Variants in GRAMD1A observed in about 807,000 individuals in gnomAD.
GRAMD1A encodes the protein protein Aster-A.
In GRAMD1A, 50 loss-of-function variants were observed where a neutral mutation model predicts 92.0. The observed-to-expected ratio is 0.54, with a 90% confidence interval of 0.43 to 0.69. The LOEUF (loss-of-function observed/expected upper bound fraction) is 0.69, where lower values mean the gene tolerates loss of function less well. GRAMD1A is among the 30% of genes least tolerant of loss of function. The probability of loss-of-function intolerance (pLI) is 0.00; values close to 1 mark genes in which losing one functional copy is unlikely to be tolerated. For synonymous variants in GRAMD1A, 405 were observed against 403.6 expected, an observed-to-expected ratio of 1.00 and a Z score of -0.04; for missense variants, 819 against 978.9, an observed-to-expected ratio of 0.84 and a Z score of 2.18.
At chr19:35,009,863 G>C (rs746384896) in intron 3 of GRAMD1A, 25 bp from the exon 4 acceptor site, 1 of 1,446,664 alleles carries the variant, frequency 6.9e-7, no homozygotes, top group South Asian at 1.1e-5. Context: ...CCCCATCCAG[G>C]TTCTCACCTC....
rs548221579 is a variant in GRAMD1A at position 35,019,085 on chromosome 19, G to C, written c.1214-106G>C. On this transcript the variant is annotated intron_variant, in intron 11 of 19. Transcript: ENST00000317991. The stretch of plus-strand genomic sequence containing the variant: ...GGTGGGGACACAGAGGAGTGGTGGG[G>C]ATTGGGACAGGTCCCCAGAGAGACC... The C allele has an allele frequency of 1.9e-4, 137 of 738,342 alleles. 3 individuals are homozygous for C. The South Asian group carries it at 2.2e-3, about 12-fold the overall frequency. 45.7% of individuals were successfully genotyped at this position (738,342 alleles called of 1,614,324 possible).
Position 35,013,630 on chromosome 19 carries a change from G to T in GRAMD1A, c.809G>T (p.Gly270Val). The change falls in exon 9 of 20, where the codon GGT (glycine) becomes GTT (valine). Residue 270 changes from glycine to valine, a missense_variant. Physicochemically the swap from Gly to Val is moderately radical, Grantham distance 109 (BLOSUM62 -3). Around this residue, in one of 3 missense-constraint regions of GRAMD1A, gnomAD observed 577 missense variants for 674.6 expected, o/e 0.86. Transcript: ENST00000317991. This position sits in a 1 kb window ranked among gnomAD's most constrained non-coding sequence, Gnocchi z 4.9. ...ADRSQEPSPV[G>V]SRRGHVTPNL... ...CGCAGCCAGGAGCCAAGCCCAGTGG[G>T]TTCGCGCCGTGGCCATGTCACGCCC... is the stretch of plus-strand genomic sequence containing the variant. 6.2e-7 allele frequency: 1 copy of T among 1,613,656 alleles called. No individual in the cohort carries two copies. Among genetic ancestry groups the T allele is most frequent in the African/African-American group, 1.3e-5 (1 of 75,050 alleles).
chr19:35,004,585 G>A (rs1157945800), intron 1 of GRAMD1A, among the ~76,000 whole-genome samples: 12 of 152,190 alleles, frequency 7.9e-5, no homozygotes, highest in Non-Finnish European at 1.6e-4. Flanking sequence ...GTCCTTGCAG[G>A]CAGGGGCTTG....
chr19:34,997,825 G>A (rs2014103951), upstream of GRAMD1A, among the ~76,000 whole-genome samples: 1 of 152,038 alleles, frequency 6.6e-6, no homozygotes, highest in Admixed American at 6.6e-5. Flanking sequence ...CCAGCACTTT[G>A]GGAGGCCGAG....
Position 35,019,485 on chromosome 19 carries a change from C to T in GRAMD1A, c.1427C>T (p.Ala476Val). The stretch of plus-strand genomic sequence containing the variant: ...CCCTACCAGGACTACTTCTACACTG[C>T]CCACCGCTACTGCATCCTGGGTCTG... Reference protein sequence around the residue: ...GIPYQDYFYTAHRYCILGLAR... With the variant: ...GIPYQDYFYTVHRYCILGLAR... The change falls in exon 13 of 20, where the codon GCC becomes GTC. Residue 476 changes from alanine (A) to valine (V), a missense_variant. Ala to Val is a moderately conservative substitution (Grantham distance 64, BLOSUM62 0). Coordinates refer to ENST00000317991, the MANE Select transcript of GRAMD1A (RefSeq NM_020895.5). 6.2e-7 allele frequency: 1 copy of T among 1,613,932 alleles called. No homozygotes were observed. Among genetic ancestry groups the T allele is most frequent in the Non-Finnish European group, 8.5e-7 (1 of 1,179,838 alleles).
In GRAMD1A at chr19:35,011,461, CT is replaced by C; in HGVS notation, c.526-12del. The C allele has an allele frequency of 6.2e-7, 1 of 1,602,208 alleles. No individual in the cohort carries two copies. ...AACCTGCTCACACCTCTCTCTCTCTCTCTCCCTGACAGCATTTCTTCACTTC... is the reference window on the plus strand; with the variant it reads ...AACCTGCTCACACCTCTCTCTCTCTCCTCCCTGACAGCATTTCTTCACTTC... On this transcript the variant is annotated splice_polypyrimidine_tract_variant and intron_variant, in intron 6 of 19. Coordinates refer to ENST00000317991, the MANE Select transcript of GRAMD1A (RefSeq NM_020895.5).
Position 35,000,347 on chromosome 19 carries a change from G to A in GRAMD1A, c.-132G>A. 1 of 1,082,878 alleles carries A rather than the reference G, an allele frequency of 9.2e-7. No homozygotes were observed. Among genetic ancestry groups the A allele is most frequent in the Non-Finnish European group, 1.1e-6 (1 of 894,354 alleles). The allele number at this position is 1,082,878 out of a possible 1,614,324, so 67.1% of individuals were successfully genotyped here. ...CCTTTTGTGCGGGCGGTTGGGTCGG[G>A]TGGGGGCGGCGGCCGCGGAAGGCCA... On this transcript the variant is annotated 5_prime_UTR_variant, in exon 1 of 20. The change creates a new upstream start codon in the 5' untranslated region. Transcript: ENST00000317991. This position sits in a 1 kb window ranked among gnomAD's most constrained non-coding sequence, Gnocchi z 4.9.
At chr19:35,011,713 G>A (rs544579779) in intron 7 of GRAMD1A, among the ~76,000 whole-genome samples, 159 bp downstream of exon 7, 73 of 152,356 alleles carry the variant, frequency 4.8e-4, no homozygotes, top group East Asian at 7.7e-4. Context: ...ACCTGACCCC[G>A]AAGCTGAGTC....
chr19:35,019,151 C>T (rs2015849601), intron 11 of GRAMD1A, 40 bp from the exon 12 acceptor site: 1 of 1,362,818 alleles, frequency 7.3e-7, no homozygotes, highest in Non-Finnish European at 1.0e-6. Context: ...GGGCAAAGGA[C>T]TGGGGTGTGG....
At chr19:34,996,804 A>AG (rs2014056381), upstream of GRAMD1A, among the ~76,000 whole-genome samples, 1 of 109,180 alleles carries the variant, frequency 9.2e-6, no homozygotes, top group South Asian at 3.4e-4. Context: ...ACTCTGTCTC[A>AG]AAAAAAAAAA....
At chr19:34,997,277 T>C (rs147091711), upstream of GRAMD1A, among the ~76,000 whole-genome samples, 371 of 151,108 alleles carry the variant, frequency 2.5e-3, 2 homozygotes, top group Non-Finnish European at 2.2e-3. Context: ...TGAGGCCTAA[T>C]GAGGGTAAGT....
At position 35,000,457 on chromosome 19, in the gene GRAMD1A, G is replaced by A; in HGVS notation, c.-22G>A. 2.6e-6 allele frequency: 3 copies of A among 1,141,528 alleles called. No homozygotes were observed. The highest frequency in any genetic ancestry group is 2.2e-6 in the Non-Finnish European group (2 of 901,192). The allele number at this position is 1,141,528 out of a possible 1,614,324, so 70.7% of individuals were successfully genotyped here. ...TGCCCTGCCCTGCCCTGCGCCCGGG[G>A]CGCGCCCACCGCGCCGCATCCATGT... On this transcript the variant is annotated 5_prime_UTR_variant, in exon 1 of 20. Coordinates refer to ENST00000317991, the MANE Select transcript of GRAMD1A (RefSeq NM_020895.5). This position sits in a 1 kb window ranked among gnomAD's most constrained non-coding sequence, Gnocchi z 4.9.
At position 35,023,298 on chromosome 19, in the gene GRAMD1A, C is replaced by G. The variant is rs757817976; in HGVS notation, c.1916C>G (p.Thr639Arg). The G allele has an allele frequency of 1.2e-6, 2 of 1,614,164 alleles. No homozygotes were observed. The change falls in exon 18 of 20, where the codon ACA becomes AGA. Residue 639 changes from threonine to arginine, a missense_variant. This residue lies in a region of GRAMD1A where 577 missense variants were observed against 674.6 expected (regional missense o/e 0.86). Coordinates refer to ENST00000317991, the MANE Select transcript of GRAMD1A (RefSeq NM_020895.5). ...TACCGCCTCTGGTCCCTGGAAAGGA[C>G]AGCCCACACCTTTGAGTCCTGGCAC... The part of the protein sequence containing the change: ...LFYRLWSLER[T>R]AHTFESWHSL...
upstream of GRAMD1A, chr19:34,998,251 T>C (rs909844671): frequency 5.3e-5 from 8 of 151,250 alleles, no homozygotes; most frequent in African/African-American, 1.9e-4. Context: ...TGTCCACATC[T>C]ATTCTATATA....
In GRAMD1A at chr19:35,000,647, G is replaced by C. The variant is rs2014292539; in HGVS notation, c.8+161G>C. Among the ~76,000 whole-genome samples, 1 of 151,470 alleles carries C rather than the reference G, an allele frequency of 6.6e-6. No individual in the cohort carries two copies. Among genetic ancestry groups the C allele is most frequent in the Admixed American group, 6.6e-5 (1 of 15,248 alleles). On this transcript the variant is annotated intron_variant, in intron 1 of 19. Coordinates refer to ENST00000317991, the MANE Select transcript of GRAMD1A (RefSeq NM_020895.5). The surrounding 1 kb of genome is among the most constrained non-coding windows in gnomAD (Gnocchi z 4.9). ...GGGCGATCGGGGTGGGGGCGGGGCA[G>C]GGGGCCCCCGGGCGAGGGGTGCAGC...
chr19:35,020,252 C>T (rs1289275177), intron 13 of GRAMD1A, among the ~76,000 whole-genome samples: 1 of 152,052 alleles, frequency 6.6e-6, no homozygotes, highest in Non-Finnish European at 1.5e-5. Flanking sequence ...TTTAAATTAG[C>T]CAGGGTCCAG....
chr19:35,023,626 A>G, intron 19 of GRAMD1A, 79 bp downstream of exon 19: 1 of 1,355,090 alleles, frequency 7.4e-7, no homozygotes, highest in Non-Finnish European at 9.9e-7. Context: ...TGCGGCAGGC[A>G]CTTCCCCTCT....
At position 35,010,785 on chromosome 19, in the gene GRAMD1A, C is replaced by G. The variant is rs2015177563; in HGVS notation, c.525+406C>G. 6.5e-6 allele frequency: 3 copies of G among 464,604 alleles called. No homozygotes were observed. The Admixed American group carries it at 1.2e-4, about 18-fold the overall frequency. 28.8% of individuals were successfully genotyped at this position (464,604 alleles called of 1,614,324 possible). Reference sequence around the variant, plus strand: ...GTGGGGGACACTTCCCAGCAGACTTCTCTTTGTGTTTTGTTGGTTAAAAGT... The same window carrying G: ...GTGGGGGACACTTCCCAGCAGACTTGTCTTTGTGTTTTGTTGGTTAAAAGT... On this transcript the variant is annotated intron_variant, in intron 6 of 19. Coordinates refer to ENST00000317991, the MANE Select transcript of GRAMD1A (RefSeq NM_020895.5).
In GRAMD1A at chr19:35,021,406, T is replaced by C; in HGVS notation, c.1476-96T>C. On this transcript the variant is annotated intron_variant, in intron 13 of 19. Transcript: ENST00000317991. This position sits in a 1 kb window ranked among gnomAD's most constrained non-coding sequence, Gnocchi z 5.3. ...TGTCTGTGAGTGACAAGGGGCCCTCTCTGAATTAGGGGAAGGAAAAAACTC... is the reference window on the plus strand; with the variant it reads ...TGTCTGTGAGTGACAAGGGGCCCTCCCTGAATTAGGGGAAGGAAAAAACTC... The C allele has an allele frequency of 1.1e-6, 1 of 893,204 alleles. No homozygotes were observed. Among genetic ancestry groups the C allele is most frequent in the Admixed American group, 1.8e-5 (1 of 54,194 alleles). 55.3% of individuals were successfully genotyped at this position (893,204 alleles called of 1,614,324 possible).
Sources: allele counts gnomAD v4.1 joint callset (sites outside exome capture counted in the v4.1 genomes callset), GRCh38; gene constraint gnomAD v4.1.1; regional missense constraint gnomAD v4.1.1; non-coding constraint Gnocchi (gnomAD v3.1); transcripts MANE v1.5; gene names NCBI Gene and HGNC (gene_info 2026-07-23, HGNC 2026-07-21).